The following FREM2 variants were observed in gnomAD, a reference collection of about 807,000 sequenced individuals.
FREM2 encodes the protein FRAS1-related extracellular matrix protein 2.
In FREM2, 119 loss-of-function variants were observed where a neutral mutation model predicts 219.9. The ratio of observed to expected loss-of-function variants is 0.54; its 90% CI spans 0.47 to 0.63. FREM2 has a LOEUF of 0.63. FREM2 is among the 30% of genes least tolerant of loss of function. FREM2 has a pLI of 0.00. For synonymous variants in FREM2, 1,562 were observed against 1,522.8 expected (o/e 1.03, Z -0.60); for missense variants, 4,030 against 3,993.6 (o/e 1.01, Z -0.25).
chr13:38,706,817 T>A lies in FREM2; in HGVS notation c.5263+9030T>A, dbSNP rs1870559569. Reference sequence around the variant, plus strand: ...TAAAGCCTTGTACCTTTCTACAATATCCCAATGAGTTCAAAAGGACAAATG... The same window carrying A: ...TAAAGCCTTGTACCTTTCTACAATAACCCAATGAGTTCAAAAGGACAAATG... On this transcript the variant is annotated intron_variant, in intron 2 of 23. Transcript: ENST00000280481. 2.0e-5 allele frequency among the ~76,000 whole-genome samples: 3 copies of A among 152,154 alleles called. No homozygotes were observed. The South Asian group carries it at 6.2e-4, about 31-fold the overall frequency.
chr13:38,747,739 A>T lies in FREM2; in HGVS notation c.5264-16565A>T, dbSNP rs78026164. On this transcript the variant is annotated intron_variant, in intron 2 of 23. Transcript: ENST00000280481. ...GAGTACAGAACTGTTGTATTTATTG[A>T]TATTCTCATGGGAAACAGTTACTGA... 2.8e-4 allele frequency among the ~76,000 whole-genome samples: 43 copies of T among 152,176 alleles called. No individual in the cohort carries two copies. In the East Asian group the frequency reaches 7.2e-3, roughly 25 times the overall value.
At chr13:38,722,923 T>C (rs1871350155) in intron 2 of FREM2, among the ~76,000 whole-genome samples, 1 of 152,088 alleles carries the variant, frequency 6.6e-6, no homozygotes. Flanking sequence ...ATATTTAAAC[T>C]TCGAGGTATG....
At chr13:38,741,327 A>T (rs1029262868) in intron 2 of FREM2, among the ~76,000 whole-genome samples, 3 of 152,176 alleles carry the variant, frequency 2.0e-5, no homozygotes, top group Non-Finnish European at 4.4e-5. Flanking sequence ...TGCCAGGAGT[A>T]CCCAGTGCTC....
chr13:38,861,303 A>G, intron 14 of FREM2, 128 bp from the exon 15 acceptor site: 1 of 883,912 alleles, frequency 1.1e-6, no homozygotes, highest in Non-Finnish European at 1.8e-6. Context: ...GTACACTCTT[A>G]GCCATGCCCT....
At chr13:38,723,139 G>A (rs563081992) in intron 2 of FREM2, among the ~76,000 whole-genome samples, 3 of 152,068 alleles carry the variant, frequency 2.0e-5, no homozygotes, top group Non-Finnish European at 4.4e-5. Context: ...GGAGGCTGAG[G>A]CTGGAGAATC....
rs564740435 is a variant in FREM2, at chr13:38,687,781, C to G, written c.437C>G (p.Pro146Arg). The G allele has an allele frequency of 1.5e-4, 234 of 1,536,336 alleles. No individual in the cohort carries two copies. The highest frequency in any genetic ancestry group is 1.4e-3 in the South Asian group (114 of 78,822). Residue 146 changes from proline to arginine, a missense_variant, in exon 1 of 24, where the codon CCG becomes CGG. Pro to Arg is a moderately radical substitution (Grantham distance 103). Around this residue, in one of 2 missense-constraint regions of FREM2, gnomAD observed 3,102 missense variants for 2,950.7 expected, o/e 1.05. Coordinates refer to ENST00000280481, the MANE Select transcript of FREM2 (RefSeq NM_207361.6). ...VRYSHLGARS[P>R]SRDRVRLQLR... is the part of the protein sequence containing the mutation. ...TACTCTCACCTGGGCGCGCGCAGCC[C>G]GTCTCGGGACCGCGTCCGGCTGCAG...
intron 6 of FREM2, among the ~76,000 whole-genome samples, chr13:38,789,528 T>A (rs936255122): frequency 9.9e-5 from 15 of 151,220 alleles, no homozygotes; most frequent in Middle Eastern, 3.4e-3. Context: ...AGTTTTTTTT[T>A]AAAAAAAGCT....
At chr13:38,722,903 A>T (rs529495134) in intron 2 of FREM2, among the ~76,000 whole-genome samples, 3 of 152,164 alleles carry the variant, frequency 2.0e-5, no homozygotes, top group Non-Finnish European at 4.4e-5. Context: ...ATTGTAGGTC[A>T]AAGTGTTGAA....
intron 6 of FREM2, among the ~76,000 whole-genome samples, chr13:38,826,092 G>A (rs1354297840): frequency 6.6e-6 from 1 of 152,074 alleles, no homozygotes; most frequent in Non-Finnish European, 1.5e-5. Context: ...TTGAGAGGAA[G>A]CACCTACTAT....
intron 6 of FREM2, among the ~76,000 whole-genome samples, chr13:38,789,743 GT>G (rs1338682273): frequency 6.7e-6 from 1 of 150,260 alleles, no homozygotes; most frequent in African/African-American, 2.4e-5. Flanking sequence ...TCTGTGTGGA[GT>G]TTTTTTATAT....
intron 6 of FREM2, among the ~76,000 whole-genome samples, chr13:38,832,738 A>AGT (rs1435346066): frequency 6.6e-6 from 1 of 152,160 alleles, no homozygotes; most frequent in Non-Finnish European, 1.5e-5. Flanking sequence ...GATATGAAGC[A>AGT]GTACATATTA....
intron 2 of FREM2, among the ~76,000 whole-genome samples, chr13:38,716,901 G>T (rs1871025679): frequency 6.6e-6 from 1 of 152,218 alleles, no homozygotes; most frequent in Admixed American, 6.5e-5. Context: ...AAATTTGAGT[G>T]AGATGTCCTT....
intron 6 of FREM2, among the ~76,000 whole-genome samples, chr13:38,808,794 C>T (rs1166034375): frequency 2.6e-5 from 4 of 151,964 alleles, no homozygotes; most frequent in East Asian, 2.0e-4. Flanking sequence ...ATTTTCAAAA[C>T]GTGCTGCAGA....
chr13:38,802,012 C>T (rs1009613525), intron 6 of FREM2, among the ~76,000 whole-genome samples: 5 of 152,112 alleles, frequency 3.3e-5, no homozygotes, highest in Non-Finnish European at 7.4e-5. Flanking sequence ...CCTCAGATCC[C>T]AACATTATTC....
Position 38,830,404 on chromosome 13 carries a change from A to G in FREM2, c.6020-16169A>G, listed in dbSNP as rs1163344539. On this transcript the variant is annotated intron_variant, in intron 6 of 23. Coordinates refer to ENST00000280481, the MANE Select transcript of FREM2 (RefSeq NM_207361.6). The stretch of plus-strand genomic sequence containing the variant: ...CTGACTTCTCAATCTTCCCACCTCC[A>G]CTGCCCTAGCTCAAGACCTCACTGT... 3.9e-5 allele frequency among the ~76,000 whole-genome samples: 6 copies of G among 152,124 alleles called. No individual in the cohort carries two copies. In the East Asian group the frequency reaches 1.2e-3, roughly 29 times the overall value.
chr13:38,811,569 C>T (rs1875476363), intron 6 of FREM2, among the ~76,000 whole-genome samples: 1 of 151,974 alleles, frequency 6.6e-6, no homozygotes, highest in African/African-American at 2.4e-5. Flanking sequence ...ACTGGTCATT[C>T]CGGAGCATAT....
chr13:38,800,603 A>G (rs141035182), intron 6 of FREM2, among the ~76,000 whole-genome samples: 1 of 152,226 alleles, frequency 6.6e-6, no homozygotes, highest in East Asian at 1.9e-4. Context: ...GTCTCTTGCT[A>G]GACTTGGGAA....
intron 1 of FREM2, among the ~76,000 whole-genome samples, chr13:38,692,870 T>C (rs981557247): frequency 8.5e-5 from 13 of 152,368 alleles, no homozygotes; most frequent in Non-Finnish European, 1.8e-4. Context: ...AGGTGGTTCA[T>C]GAAGCATTTT....
chr13:38,747,521 C>T (rs1166036784), intron 2 of FREM2, among the ~76,000 whole-genome samples: 2 of 143,770 alleles, frequency 1.4e-5, no homozygotes, highest in African/African-American at 2.6e-5. Flanking sequence ...CACACACACA[C>T]ATTTATGTGT....
Sources: allele counts gnomAD v4.1 joint callset (sites outside exome capture counted in the v4.1 genomes callset), GRCh38; gene constraint gnomAD v4.1.1; regional missense constraint gnomAD v4.1.1; transcripts MANE v1.5; gene names NCBI Gene and HGNC (gene_info 2026-07-23, HGNC 2026-07-21).